ATPAF1: variants seen among roughly 807,000 people sequenced by gnomAD.
ATPAF1 encodes the protein ATP synthase mitochondrial F1 complex assembly factor 1.
Under a neutral mutation model 43.9 loss-of-function variants are expected in ATPAF1, and 26 were observed. That is an observed-to-expected ratio of 0.59 (90% CI 0.43 to 0.82). The LOEUF (loss-of-function observed/expected upper bound fraction) is 0.82, where lower values mean the gene tolerates loss of function less well. Among genes scored for constraint, ATPAF1 ranks in the 40% least tolerant of loss-of-function variants. The probability of loss-of-function intolerance (pLI) is 0.00; values close to 1 mark genes in which losing one functional copy is unlikely to be tolerated. For missense variants in ATPAF1, 366 were observed against 435.0 expected (o/e 0.84, Z 1.41); for synonymous variants, 157 against 168.0 (o/e 0.93, Z 0.50).
chr1:46,658,061 A>G, intron 4 of ATPAF1, 66 bp downstream of exon 4: 2 of 1,448,944 alleles, frequency 1.4e-6, no homozygotes, highest in Non-Finnish European at 1.9e-6. Flanking sequence ...CAGAAAATGT[A>G]CTTTCAGATT....
At chr1:46,639,083 AAATAATTAAAGTTAATAATT>A (rs1675899241) in intron 8 of ATPAF1, among the ~76,000 whole-genome samples, 1 of 152,206 alleles carries the variant, frequency 6.6e-6, no homozygotes, top group Non-Finnish European at 1.5e-5. Flanking sequence ...TTTAGGAAGC[AAATAATTAAAGTTAATAATT>A]AATAGGCTAG....
At chr1:46,645,326 T>A in intron 6 of ATPAF1, 70 bp from the exon 7 acceptor site, 1 of 1,175,568 alleles carries the variant, frequency 8.5e-7, no homozygotes, top group Non-Finnish European at 1.3e-6. Flanking sequence ...CAACCACCTG[T>A]AACATTCATT....
intron 6 of ATPAF1, among the ~76,000 whole-genome samples, chr1:46,647,198 T>A (rs1375380066): frequency 6.6e-6 from 1 of 152,196 alleles, no homozygotes; most frequent in Non-Finnish European, 1.5e-5. Flanking sequence ...ACCTACACAT[T>A]CCTTCCAGAG....
chr1:46,659,583 C>CCTT (rs1364051803), intron 2 of ATPAF1, among the ~76,000 whole-genome samples: 108 of 152,188 alleles, frequency 7.1e-4, no homozygotes, highest in Non-Finnish European at 8.2e-4. Context: ...AAAAGGCCAC[C>CCTT]AACAACTGAA....
chr1:46,644,624 ATT>A (rs56670200), intron 7 of ATPAF1, among the ~76,000 whole-genome samples: 1,902 of 152,260 alleles, frequency 0.012, 43 homozygotes, highest in African/African-American at 0.043. Flanking sequence ...GATTTAAAAT[ATT>A]GACTTTTATT....
At chr1:46,666,073 T>G (rs1676485814) in intron 1 of ATPAF1, 2 of 200,614 alleles carry the variant, frequency 1.0e-5, no homozygotes, top group Non-Finnish European at 2.0e-5. Flanking sequence ...TCTTTGGCCA[T>G]GAGACCCAGA....
chr1:46,668,494 C>T, upstream of ATPAF1: 1 of 848,406 alleles, frequency 1.2e-6, no homozygotes, highest in Non-Finnish European at 1.5e-6. This position sits in a 1 kb window ranked among gnomAD's most constrained non-coding sequence, Gnocchi z 4.4. Flanking sequence ...GGAGGGGGCG[C>T]GCCGCTCTGG....
At chr1:46,649,157 CAAA>C (rs35432914) in intron 6 of ATPAF1, among the ~76,000 whole-genome samples, 7 of 104,766 alleles carry the variant, frequency 6.7e-5, no homozygotes, top group Admixed American at 9.9e-5. Context: ...AGCTCCGTCT[CAAA>C]AAAAAAAAAA....
chr1:46,657,047 T>C (rs992971420), intron 4 of ATPAF1, among the ~76,000 whole-genome samples: 30 of 152,190 alleles, frequency 2.0e-4, no homozygotes, highest in Non-Finnish European at 4.0e-4. Context: ...CAGAGTCAAA[T>C]AGACATGGGT....
chr1:46,654,835 C>T (rs978420774), intron 4 of ATPAF1, among the ~76,000 whole-genome samples: 1 of 152,080 alleles, frequency 6.6e-6, no homozygotes, highest in Non-Finnish European at 1.5e-5. Context: ...ATGATGGTTT[C>T]CAGCTTCATC....
intron 4 of ATPAF1, among the ~76,000 whole-genome samples, chr1:46,656,924 C>A (rs582323): frequency 0.14 from 21,318 of 152,116 alleles, 3,825 homozygotes; most frequent in African/African-American, 0.4. Flanking sequence ...CTGTATCTGG[C>A]ACAGAGTCTG....
Position 46,652,561 on chromosome 1 carries a change from C to T in ATPAF1, c.588+20G>A, listed in dbSNP as rs185666554. 61 of 1,610,398 alleles carry T rather than the reference C, an allele frequency of 3.8e-5. No individual in the cohort carries two copies. Among genetic ancestry groups the T allele is most frequent in the Non-Finnish European group, 4.9e-5 (58 of 1,177,030 alleles). ...TGGCAACATTGATAAGCAACCCTTA[C>T]GTGATCACCAGAAACTTACTGTTGG... On this transcript the variant is annotated intron_variant, in intron 6 of 8. Coordinates refer to ENST00000574428, the Ensembl canonical transcript of ATPAF1.
intron 8 of ATPAF1, among the ~76,000 whole-genome samples, chr1:46,640,488 T>G (rs1191746391): frequency 1.3e-5 from 2 of 152,126 alleles, no homozygotes; most frequent in Non-Finnish European, 2.9e-5. Flanking sequence ...CACATGCCTG[T>G]AATCTCAGCT....
intron 8 of ATPAF1, among the ~76,000 whole-genome samples, chr1:46,642,750 T>C (rs1287666508): frequency 6.6e-6 from 1 of 152,224 alleles, no homozygotes; most frequent in East Asian, 1.9e-4. Flanking sequence ...TTCAGAATTA[T>C]TGAATTTTAG....
chr1:46,633,351 A>G (rs1557922558), downstream of ATPAF1: 1 of 188,216 alleles, frequency 5.3e-6, no homozygotes, highest in Non-Finnish European at 1.1e-5. Flanking sequence ...ATTTTCTACT[A>G]TAGTGAAGTT....
chr1:46,641,845 C>T (rs1218904904), intron 8 of ATPAF1, among the ~76,000 whole-genome samples: 6 of 152,188 alleles, frequency 3.9e-5, no homozygotes, highest in East Asian at 1.9e-4. Context: ...TCTTAGATCT[C>T]GTCTCTTCTC....
intron 1 of ATPAF1, 22 bp from the exon 2 acceptor site, chr1:46,665,386 G>GGTAAA: frequency 6.2e-7 from 1 of 1,609,958 alleles, no homozygotes; most frequent in Non-Finnish European, 8.5e-7. Flanking sequence ...TAAACCAAAG[G>GGTAAA]GTAAACCAAC....
chr1:46,633,611 T>C, downstream of ATPAF1: 1 of 408,738 alleles, frequency 2.4e-6, no homozygotes, highest in Admixed American at 3.6e-5. Flanking sequence ...TTGCCAGATC[T>C]TTCTAGGTAA....
intron 4 of ATPAF1, among the ~76,000 whole-genome samples, chr1:46,654,771 A>G (rs758893962): frequency 4.6e-4 from 69 of 151,636 alleles, no homozygotes; most frequent in African/African-American, 1.6e-3. Context: ...ACTCTCACTT[A>G]TGAGTGAGAA....
Sources: gnomAD v4.1 joint callset for allele counts (sites outside exome capture counted in the v4.1 genomes callset) on GRCh38, gnomAD v4.1.1 for gene constraint, Gnocchi (gnomAD v3.1) non-coding constraint, MANE v1.5 for transcripts, NCBI Gene and HGNC (gene_info 2026-07-23, HGNC 2026-07-21) for gene names.